CASK: variants seen among roughly 807,000 people sequenced by gnomAD.
CASK encodes calcium/calmodulin dependent serine protein kinase.
Under a neutral mutation model 82.9 loss-of-function variants are expected in CASK, and 4 were observed. The ratio of observed to expected loss-of-function variants is 0.05; its 90% CI spans 0.02 to 0.11. The LOEUF is 0.11. CASK is among the 10% of genes least tolerant of loss of function. CASK has a pLI of 1.00. For missense variants in CASK, 358 were observed against 720.9 expected, an observed-to-expected ratio of 0.50 and a Z score of 5.76; for synonymous variants, 259 against 253.5, an observed-to-expected ratio of 1.02 and a Z score of -0.20.
chrX:41,711,085 C>T (rs1337418786), intron 5 of CASK, among the ~76,000 whole-genome samples: 1 of 111,955 alleles, frequency 8.9e-6, no homozygotes, highest in Non-Finnish European at 1.9e-5. Flanking sequence ...CCGTGGGATC[C>T]CTGATTTATA....
intron 2 of CASK, among the ~76,000 whole-genome samples, chrX:41,814,706 G>A (rs772364384): frequency 7.3e-5 from 8 of 110,028 alleles, no homozygotes; most frequent in African/African-American, 2.3e-4. Flanking sequence ...AAACCTGCAC[G>A]TTGTGCACAT....
intron 1 of CASK, among the ~76,000 whole-genome samples, chrX:41,890,834 G>A (rs1377897641): frequency 9.1e-6 from 1 of 110,346 alleles, no homozygotes; most frequent in Admixed American, 9.6e-5. Flanking sequence ...AGAGCTATTT[G>A]TATTTGTTCC....
chrX:41,538,929 G>A (rs766154902), intron 22 of CASK, among the ~76,000 whole-genome samples: 9 of 111,466 alleles, frequency 8.1e-5, no homozygotes, highest in East Asian at 5.6e-4. Context: ...GGAGTGGTGC[G>A]GACAGTGTGT....
intron 1 of CASK, among the ~76,000 whole-genome samples, chrX:41,862,166 A>G (rs1319140518): frequency 9.1e-6 from 1 of 109,825 alleles, no homozygotes; most frequent in Non-Finnish European, 1.9e-5. Flanking sequence ...TTGTTGGGCT[A>G]AGCAGGGAAA....
At chrX:41,661,567 G>C (rs963850766) in intron 7 of CASK, among the ~76,000 whole-genome samples, 13 of 111,564 alleles carry the variant, frequency 1.2e-4, no homozygotes, top group African/African-American at 3.9e-4. Flanking sequence ...ATCACAATTT[G>C]AGCAAGGGCT....
intron 3 of CASK, among the ~76,000 whole-genome samples, chrX:41,785,594 T>C (rs747767325): frequency 8.9e-6 from 1 of 112,806 alleles, no homozygotes; most frequent in South Asian, 3.6e-4. Context: ...TTCACACTGA[T>C]CTTGCACTTA....
intron 1 of CASK, among the ~76,000 whole-genome samples, chrX:41,909,007 T>C (rs1368753743): frequency 1.8e-5 from 2 of 112,189 alleles, no homozygotes; most frequent in Non-Finnish European, 3.8e-5. Context: ...ATTTGGCCCA[T>C]GGACCATAGT....
At chrX:41,744,141 A>C (rs191885897) in intron 4 of CASK, among the ~76,000 whole-genome samples, 376 of 109,352 alleles carry the variant, frequency 3.4e-3, no homozygotes, top group Non-Finnish European at 5.2e-3. Context: ...AAAAAAAAAA[A>C]ACTTAATATG....
chrX:41,612,902 G>GGCCA (rs1988551591), intron 11 of CASK, among the ~76,000 whole-genome samples: 1 of 97,832 alleles, frequency 1.0e-5, no homozygotes, highest in Admixed American at 1.0e-4. Flanking sequence ...CCCCCCGCCC[G>GGCCA]GCCAGCCGCC....
At chrX:41,761,410 C>T (rs1196307308) in intron 3 of CASK, among the ~76,000 whole-genome samples, 2 of 111,483 alleles carry the variant, frequency 1.8e-5, no homozygotes, top group African/African-American at 6.5e-5. Context: ...AATGATCTCA[C>T]CTTGAACAAA....
At chrX:41,610,681 C>A (rs1440338934) in intron 11 of CASK, among the ~76,000 whole-genome samples, 1 of 111,332 alleles carries the variant, frequency 9.0e-6, no homozygotes, top group Non-Finnish European at 1.9e-5. Context: ...TTCCAAATAC[C>A]ATATTAAATT....
intron 1 of CASK, among the ~76,000 whole-genome samples, chrX:41,894,619 A>G (rs1040116549): frequency 8.5e-5 from 9 of 105,358 alleles, no homozygotes; most frequent in Non-Finnish European, 1.2e-4. Flanking sequence ...AAAAAAAAAA[A>G]GCAAATTAGT....
At chrX:41,753,659 G>A (rs759936858) in intron 3 of CASK, among the ~76,000 whole-genome samples, 8 of 112,468 alleles carry the variant, frequency 7.1e-5, no homozygotes, top group Non-Finnish European at 1.3e-4. Context: ...GCCAAGGTGA[G>A]AGGATCATTT....
intron 1 of CASK, among the ~76,000 whole-genome samples, chrX:41,879,210 T>C (rs764077137): frequency 4.5e-5 from 5 of 110,987 alleles, no homozygotes; most frequent in Non-Finnish European, 9.5e-5. Context: ...CTAAACAAAA[T>C]TGAAACTTTT....
intron 2 of CASK, among the ~76,000 whole-genome samples, chrX:41,817,849 A>G (rs2070444014): frequency 9.0e-6 from 1 of 111,713 alleles, no homozygotes; most frequent in Non-Finnish European, 1.9e-5. Context: ...CATTTATACT[A>G]AAAACTATAA....
intron 2 of CASK, among the ~76,000 whole-genome samples, chrX:41,809,052 G>A (rs1430048238): frequency 8.9e-6 from 1 of 112,340 alleles, no homozygotes; most frequent in Non-Finnish European, 1.9e-5. Flanking sequence ...AGGGGTGCCC[G>A]CCATTGCTGA....
At position 41,711,094 on chromosome X, in the gene CASK, T is replaced by C. The variant is rs755411567; in HGVS notation, c.429+28290A>G. Reference sequence around the variant, plus strand: ...AGGGAGCCGTGGGATCCCTGATTTATAGCTAGTCAGTCAGAAGCATAGGTG... The same window carrying C: ...AGGGAGCCGTGGGATCCCTGATTTACAGCTAGTCAGTCAGAAGCATAGGTG... On this transcript the variant is annotated intron_variant, in intron 5 of 26. Transcript: ENST00000378163. 8.0e-5 allele frequency among the ~76,000 whole-genome samples: 9 copies of C among 112,129 alleles called. No individual in the cohort carries two copies. The East Asian group carries it at 1.1e-3, about 14-fold the overall frequency.
intron 4 of CASK, among the ~76,000 whole-genome samples, chrX:41,741,162 C>T (rs2068591894): frequency 9.0e-6 from 1 of 111,229 alleles, no homozygotes; most frequent in African/African-American, 3.3e-5. Context: ...GGATTACAGG[C>T]ATGAGCCACC....
chrX:41,670,209 G>A (rs868186899), intron 6 of CASK, among the ~76,000 whole-genome samples: 1 of 111,900 alleles, frequency 8.9e-6, no homozygotes, highest in Non-Finnish European at 1.9e-5. Flanking sequence ...AGAAGTTAAG[G>A]CCCTTTGGAG....
Sources: allele counts gnomAD v4.1 joint callset (sites outside exome capture counted in the v4.1 genomes callset), GRCh38; gene constraint gnomAD v4.1.1; transcripts MANE v1.5; gene names NCBI Gene and HGNC (gene_info 2026-07-23, HGNC 2026-07-21).